The following OPA1 variants were observed in gnomAD, a reference collection of about 807,000 sequenced individuals.
OPA1 encodes the protein dynamin-like GTPase OPA1, mitochondrial.
A neutral mutation model predicts 152.9 loss-of-function variants in OPA1; 59 were observed. The observed-to-expected ratio is 0.39, with a 90% confidence interval of 0.31 to 0.48. The LOEUF is 0.48. Among genes scored for constraint, OPA1 ranks in the 20% least tolerant of loss-of-function variants. OPA1 has a pLI of 0.96. For missense variants in OPA1, 1,008 were observed against 1,216.8 expected, an observed-to-expected ratio of 0.83 and a Z score of 2.55; for synonymous variants, 400 against 389.9, an observed-to-expected ratio of 1.03 and a Z score of -0.31.
intron 23 of OPA1, among the ~76,000 whole-genome samples, chr3:193,658,167 C>T (rs186836733): frequency 1.0e-3 from 152 of 151,594 alleles, no homozygotes; most frequent in African/African-American, 3.5e-3. Context: ...ATTGCTTGAA[C>T]CCAGGAAGGG....
At chr3:193,634,576 C>G (rs1424003504) in intron 8 of OPA1, among the ~76,000 whole-genome samples, 7 of 151,966 alleles carry the variant, frequency 4.6e-5, no homozygotes, top group Admixed American at 4.6e-4. Flanking sequence ...CGCCACGACG[C>G]CTGGCTAATT....
At chr3:193,610,086 C>T (rs1471699294) in intron 1 of OPA1, among the ~76,000 whole-genome samples, 1 of 152,226 alleles carries the variant, frequency 6.6e-6, no homozygotes, top group Non-Finnish European at 1.5e-5. Flanking sequence ...TGAGGAGCTG[C>T]ATTCCTTTGG....
chr3:193,603,473 A>G (rs1726765227), intron 1 of OPA1: 1 of 152,248 alleles, frequency 6.6e-6, no homozygotes, highest in Admixed American at 6.5e-5. Flanking sequence ...CTTCAGTCTT[A>G]ATAACAGCAA....
chr3:193,645,262 G>T (rs540293170), intron 16 of OPA1, among the ~76,000 whole-genome samples: 14 of 152,074 alleles, frequency 9.2e-5, no homozygotes, highest in Non-Finnish European at 1.9e-4. Context: ...ACTTAAGGTC[G>T]CATAACTACT....
rs1343907999 is a variant in OPA1 at position 193,643,391 on chromosome 3, A to G, written c.1324A>G (p.Lys442Glu). The part of the protein sequence containing the change: ...VSPETISLNV[K>E]GPGLQRMVLV... ...TGAGTAGACCATATCCTTAAATGTA[A>G]AAGGCCCTGGACTACAGAGGATGGT... Residue 442 changes from lysine (K) to glutamate (E), a missense_variant, in exon 14 of 31, where the codon AAA (lysine) becomes GAA (glutamate). Coordinates refer to ENST00000361510, the MANE Select transcript of OPA1 (RefSeq NM_130837.3). 3.1e-6 allele frequency: 5 copies of G among 1,610,892 alleles called. No homozygotes were observed. Among genetic ancestry groups the G allele is most frequent in the Admixed American group, 1.7e-5 (1 of 60,018 alleles).
chr3:193,604,163 A>G (rs936801973), intron 1 of OPA1, among the ~76,000 whole-genome samples: 1 of 152,168 alleles, frequency 6.6e-6, no homozygotes, highest in African/African-American at 2.4e-5. Flanking sequence ...TGCCTTAGAG[A>G]CTGGGCCTAA....
chr3:193,650,984 A>G (rs1389581832), intron 21 of OPA1, among the ~76,000 whole-genome samples: 3 of 152,186 alleles, frequency 2.0e-5, no homozygotes, highest in Admixed American at 6.5e-5. Context: ...TAAAACATGA[A>G]TAAGTGTTAA....
intron 1 of OPA1, among the ~76,000 whole-genome samples, chr3:193,598,906 GT>G (rs1726026920): frequency 6.6e-6 from 1 of 152,178 alleles, no homozygotes; most frequent in African/African-American, 2.4e-5. Flanking sequence ...TGAAAGAAGG[GT>G]GAGCTAAACG....
At chr3:193,673,744 G>A (rs975943334) in intron 29 of OPA1, among the ~76,000 whole-genome samples, 4 of 152,194 alleles carry the variant, frequency 2.6e-5, no homozygotes, top group East Asian at 1.9e-4. Flanking sequence ...TTATGTGAGA[G>A]AAGATATACT....
intron 23 of OPA1, among the ~76,000 whole-genome samples, chr3:193,658,011 C>T (rs189138391): frequency 3.1e-4 from 47 of 152,122 alleles, no homozygotes; most frequent in African/African-American, 8.7e-4. Flanking sequence ...TTTGGGAGGC[C>T]GAGGTGGGTG....
intron 25 of OPA1, among the ~76,000 whole-genome samples, chr3:193,661,119 T>C (rs1251067738): frequency 6.6e-6 from 1 of 152,226 alleles, no homozygotes; most frequent in East Asian, 1.9e-4. Context: ...GTCAGGAACT[T>C]AAACCCATAG....
chr3:193,634,974 G>A (rs1732717874), intron 8 of OPA1, among the ~76,000 whole-genome samples: 1 of 152,140 alleles, frequency 6.6e-6, no homozygotes, highest in South Asian at 2.1e-4. Context: ...GGTACTGCTA[G>A]CTATTATTTT....
Position 193,677,291 on chromosome 3 carries a change from C to CTTTTT in OPA1, c.2983+10025_2983+10029dup, listed in dbSNP as rs752472474. Among the ~76,000 whole-genome samples, 100 of 125,426 alleles carry CTTTTT rather than the reference C, an allele frequency of 8.0e-4. 2 individuals are homozygous for CTTTTT. Among genetic ancestry groups the CTTTTT allele is most frequent in the African/African-American group, 9.5e-4 (32 of 33,806 alleles). The allele number at this position is 125,426 out of a possible 152,430, so 82.3% of individuals were successfully genotyped here. A position where few individuals can be genotyped will look rare whatever the true frequency, so the allele number is the denominator to read the frequency against. On this transcript the variant is annotated intron_variant, in intron 29 of 30. Transcript: ENST00000361510. ...TGCACAATTTTTTTTTCTTTTACTTCTTTTTTTTTTTTTTTTTTCTTTAGA... is the reference window on the plus strand; with the variant it reads ...TGCACAATTTTTTTTTCTTTTACTTCTTTTTTTTTTTTTTTTTTTTTTTCTTTAGA...
intron 29 of OPA1, among the ~76,000 whole-genome samples, chr3:193,675,726 C>A (rs1196989746): frequency 6.6e-6 from 1 of 152,164 alleles, no homozygotes; most frequent in African/African-American, 2.4e-5. Flanking sequence ...AGAAGAAAAA[C>A]ATTTTCATGT....
chr3:193,620,857 G>T (rs1729924704), intron 6 of OPA1, among the ~76,000 whole-genome samples: 1 of 152,194 alleles, frequency 6.6e-6, no homozygotes, highest in Non-Finnish European at 1.5e-5. Context: ...CAGCTAAACT[G>T]AGTGATTTTG....
intron 1 of OPA1, among the ~76,000 whole-genome samples, chr3:193,612,778 T>C (rs1728453312): frequency 6.6e-6 from 1 of 152,320 alleles, no homozygotes; most frequent in Admixed American, 6.5e-5. Flanking sequence ...AATAAGGTAC[T>C]TATCAGAGGT....
intron 25 of OPA1, among the ~76,000 whole-genome samples, chr3:193,662,276 C>A (rs1436171940): frequency 2.0e-5 from 3 of 152,086 alleles, no homozygotes; most frequent in Non-Finnish European, 2.9e-5. Flanking sequence ...GGACAGATAC[C>A]TCACAGGAGC....
At chr3:193,606,229 A>G (rs1446264762) in intron 1 of OPA1, among the ~76,000 whole-genome samples, 2 of 152,142 alleles carry the variant, frequency 1.3e-5, no homozygotes, top group Non-Finnish European at 1.5e-5. Flanking sequence ...TTTTTTTAAT[A>G]TATAATTTTA....
chr3:193,668,060 T>C (rs1182565491), intron 29 of OPA1, among the ~76,000 whole-genome samples: 2 of 152,212 alleles, frequency 1.3e-5, no homozygotes, highest in African/African-American at 4.8e-5. Flanking sequence ...TGTGTGCAGG[T>C]GAATATACAC....
Sources: gnomAD v4.1 joint callset for allele counts (sites outside exome capture counted in the v4.1 genomes callset) on GRCh38, gnomAD v4.1.1 for gene constraint, MANE v1.5 for transcripts, NCBI Gene and HGNC (gene_info 2026-07-23, HGNC 2026-07-21) for gene names.